The following PRKG1 variants were observed in gnomAD, a reference collection of about 807,000 sequenced individuals.
The protein encoded by PRKG1 is protein kinase cGMP-dependent 1.
PRKG1 carries 35 observed loss-of-function variants against 88.1 expected under a neutral mutation model. That is an observed-to-expected ratio of 0.40 (90% CI 0.30 to 0.53). The LOEUF is 0.53. PRKG1 is among the 20% of genes least tolerant of loss of function. The pLI, the probability that PRKG1 is intolerant of heterozygous loss-of-function variation, is 0.59. For synonymous variants in PRKG1, 303 were observed against 292.5 expected, an observed-to-expected ratio of 1.04 and a Z score of -0.37; for missense variants, 540 against 839.8, an observed-to-expected ratio of 0.64 and a Z score of 4.41.
chr10:51,670,783 A>G (rs1264893170), intron 3 of PRKG1, among the ~76,000 whole-genome samples: 1 of 149,826 alleles, frequency 6.7e-6, no homozygotes, highest in Non-Finnish European at 1.5e-5. Flanking sequence ...TAAATAAATA[A>G]ATAAAAATGC....
intron 5 of PRKG1, among the ~76,000 whole-genome samples, chr10:52,021,336 C>A (rs60330987): frequency 0.032 from 4,796 of 152,152 alleles, 239 homozygotes; most frequent in African/African-American, 0.1. Flanking sequence ...AGGAGGGAGG[C>A]CACATGGGGT....
At chr10:51,416,759 C>T (rs1329152844) in intron 2 of PRKG1, among the ~76,000 whole-genome samples, 13 of 152,116 alleles carry the variant, frequency 8.5e-5, no homozygotes, top group Non-Finnish European at 1.5e-5. Context: ...AGCCATGACC[C>T]ACACATCTCT....
At chr10:50,996,362 T>C (rs1842837282) in intron 1 of PRKG1, among the ~76,000 whole-genome samples, 1 of 152,214 alleles carries the variant, frequency 6.6e-6, no homozygotes, top group Non-Finnish European at 1.5e-5. Flanking sequence ...CTATACTATA[T>C]GAACTTGGAA....
intron 9 of PRKG1, among the ~76,000 whole-genome samples, chr10:52,223,560 TGGTGATCTTCA>T (rs759194376): frequency 1.3e-5 from 2 of 152,146 alleles, no homozygotes; most frequent in Non-Finnish European, 2.9e-5. Context: ...CTTTCATCCT[TGGTGATCTTCA>T]GGTAGTCTCA....
At chr10:52,059,635 T>C (rs1348118497) in intron 6 of PRKG1, among the ~76,000 whole-genome samples, 1 of 151,926 alleles carries the variant, frequency 6.6e-6, no homozygotes, top group Non-Finnish European at 1.5e-5. Flanking sequence ...GAGAAGGATA[T>C]GACTATAAAT....
intron 1 of PRKG1, among the ~76,000 whole-genome samples, chr10:51,140,250 C>T (rs190847915): frequency 1.3e-4 from 20 of 152,206 alleles, no homozygotes; most frequent in Admixed American, 7.8e-4. Flanking sequence ...TCTGTCTTAA[C>T]GATATATTTG....
intron 2 of PRKG1, among the ~76,000 whole-genome samples, chr10:51,283,601 G>T (rs765480646): frequency 6.6e-6 from 1 of 152,166 alleles, no homozygotes; most frequent in African/African-American, 2.4e-5. Context: ...CTTTAGGGTG[G>T]TGGGACAAGA....
At chr10:51,657,498 T>G (rs1197929642) in intron 3 of PRKG1, among the ~76,000 whole-genome samples, 1 of 152,148 alleles carries the variant, frequency 6.6e-6, no homozygotes, top group African/African-American at 2.4e-5. Flanking sequence ...TCTGAGCACC[T>G]GTCTTAATAA....
chr10:51,711,832 A>G (rs1212535461), intron 3 of PRKG1, among the ~76,000 whole-genome samples: 1 of 152,220 alleles, frequency 6.6e-6, no homozygotes, highest in Non-Finnish European at 1.5e-5. Flanking sequence ...ACACTTTAAT[A>G]GATAGATCCA....
intron 9 of PRKG1, among the ~76,000 whole-genome samples, chr10:52,250,501 T>C (rs909866422): frequency 2.0e-5 from 3 of 152,216 alleles, no homozygotes; most frequent in African/African-American, 7.2e-5. Context: ...TGGCTGATTC[T>C]ATGCAAAAGT....
intron 2 of PRKG1, among the ~76,000 whole-genome samples, chr10:51,198,264 G>T (rs769160129): frequency 6.6e-6 from 1 of 151,996 alleles, no homozygotes; most frequent in African/African-American, 2.4e-5. Context: ...TTTTCCGCAT[G>T]ATAATAGAAC....
intron 5 of PRKG1, among the ~76,000 whole-genome samples, chr10:51,960,603 A>G (rs960642896): frequency 6.6e-6 from 1 of 152,012 alleles, no homozygotes; most frequent in African/African-American, 2.4e-5. Flanking sequence ...TATTGGTAAA[A>G]TAAAGACGAC....
intron 5 of PRKG1, among the ~76,000 whole-genome samples, chr10:52,031,961 C>T (rs990146152): frequency 2.0e-5 from 3 of 152,118 alleles, no homozygotes; most frequent in Admixed American, 6.5e-5. Context: ...ACAACTAAGG[C>T]CCTGAAATGG....
At chr10:51,363,943 A>T (rs1842538652) in intron 2 of PRKG1, among the ~76,000 whole-genome samples, 2 of 152,012 alleles carry the variant, frequency 1.3e-5, no homozygotes, top group Non-Finnish European at 2.9e-5. Context: ...TTTGTTCTGT[A>T]CAAATGGAAA....
chr10:51,452,355 C>A (rs1045886516), intron 2 of PRKG1, among the ~76,000 whole-genome samples: 1 of 151,814 alleles, frequency 6.6e-6, no homozygotes, highest in Non-Finnish European at 1.5e-5. Context: ...AAGTGGGGAT[C>A]CTTGTCTTTT....
chr10:51,891,369 A>G (rs542288551), intron 4 of PRKG1, among the ~76,000 whole-genome samples: 2 of 152,328 alleles, frequency 1.3e-5, no homozygotes, highest in East Asian at 3.9e-4. Flanking sequence ...ATTTATTAAG[A>G]GTTAATATTT....
intron 6 of PRKG1, among the ~76,000 whole-genome samples, chr10:52,061,655 T>C (rs1449131871): frequency 1.3e-5 from 2 of 152,132 alleles, no homozygotes; most frequent in African/African-American, 2.4e-5. Flanking sequence ...CAACTATTTA[T>C]TGAGTGCTTA....
chr10:51,514,567 T>C lies in PRKG1; in HGVS notation c.592+46731T>C, dbSNP rs375217808. Among the ~76,000 whole-genome samples the C allele has an allele frequency of 1.3e-4, 20 of 152,326 alleles. No individual in the cohort carries two copies. In the South Asian group the frequency reaches 3.9e-3, roughly 30 times the overall value. ...TGGTAAATATGCTTCTTAAAAGCCA[T>C]GATGTGGCTTCCAAAGACTTGAAGT... On this transcript the variant is annotated intron_variant, in intron 3 of 17. Transcript: ENST00000373980.
chr10:52,166,809 G>GTATATATGTATATATATA (rs1838467526), intron 9 of PRKG1, among the ~76,000 whole-genome samples: 1 of 70,194 alleles, frequency 1.4e-5, no homozygotes, highest in African/African-American at 1.1e-4. Context: ...ATATATATAT[G>GTATATATGTATATATATA]TATATATATG....
Sources: gnomAD v4.1 joint callset for allele counts (sites outside exome capture counted in the v4.1 genomes callset) on GRCh38, gnomAD v4.1.1 for gene constraint, MANE v1.5 for transcripts, NCBI Gene and HGNC (gene_info 2026-07-23, HGNC 2026-07-21) for gene names.